MAP2K5: variants seen among roughly 807,000 people sequenced by gnomAD.
MAP2K5 encodes mitogen-activated protein kinase kinase 5.
Under a neutral mutation model 83.1 loss-of-function variants are expected in MAP2K5, and 49 were observed. The ratio of observed to expected loss-of-function variants is 0.59; its 90% CI spans 0.47 to 0.75. MAP2K5 has a LOEUF of 0.75. MAP2K5 is among the 30% of genes least tolerant of loss of function. The pLI, the probability that MAP2K5 is intolerant of heterozygous loss-of-function variation, is 0.00. For missense variants in MAP2K5, 457 were observed against 557.5 expected (o/e 0.82, Z 1.82); for synonymous variants, 202 against 191.8 (o/e 1.05, Z -0.44).
chr15:67,662,446 G>T (rs1031658193), intron 12 of MAP2K5, among the ~76,000 whole-genome samples: 1 of 152,108 alleles, frequency 6.6e-6, no homozygotes, highest in Non-Finnish European at 1.5e-5. Context: ...ATTCTCTATA[G>T]TGATGAATAC....
intron 9 of MAP2K5, chr15:67,642,560 C>G: frequency 1.1e-6 from 1 of 919,784 alleles, no homozygotes; most frequent in South Asian, 1.3e-5. Flanking sequence ...CAGGTTTTTT[C>G]AATCAGTGCC....
chr15:67,637,823 C>A lies in MAP2K5; in HGVS notation c.585+6896C>A, dbSNP rs1249666791. Among the ~76,000 whole-genome samples, 1 of 152,012 alleles carries A rather than the reference C, an allele frequency of 6.6e-6. No homozygotes were observed. Among genetic ancestry groups the A allele is most frequent in the Admixed American group, 6.6e-5 (1 of 15,256 alleles). On this transcript the variant is annotated intron_variant, in intron 9 of 21. Coordinates refer to ENST00000178640, the MANE Select transcript of MAP2K5 (RefSeq NM_145160.3). This position sits in a 1 kb window ranked among gnomAD's most constrained non-coding sequence, Gnocchi z 4.5. ...GGAACTCTCTGGTCAGCAAGCTGGG[C>A]AATCATAGGGCTCATCTCATTTGTT...
At chr15:67,544,618 G>T (rs2084357002) in intron 1 of MAP2K5, among the ~76,000 whole-genome samples, 1 of 152,208 alleles carries the variant, frequency 6.6e-6, no homozygotes, top group Non-Finnish European at 1.5e-5. Context: ...GATAGACAGG[G>T]TGCCTTGTGC....
intron 1 of MAP2K5, among the ~76,000 whole-genome samples, chr15:67,544,937 C>T (rs547995991): frequency 2.6e-5 from 4 of 152,306 alleles, no homozygotes; most frequent in Admixed American, 2.6e-4. Flanking sequence ...CAGTCATGCA[C>T]ATACAGATTT....
chr15:67,613,125 T>A (rs1282511089), intron 8 of MAP2K5, among the ~76,000 whole-genome samples: 1 of 152,198 alleles, frequency 6.6e-6, no homozygotes, highest in Non-Finnish European at 1.5e-5. Context: ...TGATTAAAAC[T>A]TATCCAACCA....
At position 67,652,850 on chromosome 15, in the gene MAP2K5, A is replaced by G. The variant is rs2899729; in HGVS notation, c.737-5703A>G. On this transcript the variant is annotated intron_variant, in intron 11 of 21. Transcript: ENST00000178640. This position sits in a 1 kb window ranked among gnomAD's most constrained non-coding sequence, Gnocchi z 4.2. The stretch of plus-strand genomic sequence containing the variant: ...CATTATACTCTGTCTCTATGTGACT[A>G]CTCTAGGTACCTCATATAATTGGAA... Among the ~76,000 whole-genome samples the G allele has an allele frequency of 0.16, 24,978 of 151,528 alleles. 2,123 individuals carry two copies. The highest frequency in any genetic ancestry group is 0.22 in the East Asian group (1,153 of 5,144).
In MAP2K5 at chr15:67,684,668, C is replaced by T. The variant is rs575179205; in HGVS notation, c.848-7811C>T. Among the ~76,000 whole-genome samples, 9 of 152,222 alleles carry T rather than the reference C, an allele frequency of 5.9e-5. No individual in the cohort carries two copies. The South Asian group carries it at 1.7e-3, about 28-fold the overall frequency. On this transcript the variant is annotated intron_variant, in intron 13 of 21. Coordinates refer to ENST00000178640, the MANE Select transcript of MAP2K5 (RefSeq NM_145160.3). The stretch of plus-strand genomic sequence containing the variant: ...CCACACACACACCAGAAATAATGTA[C>T]TTTGCAGACAGGACTTTAGAATAGT...
chr15:67,719,628 A>G lies in MAP2K5; in HGVS notation c.1045-8288A>G, dbSNP rs1339498692. Among the ~76,000 whole-genome samples, 1 of 152,206 alleles carries G rather than the reference A, an allele frequency of 6.6e-6. No individual in the cohort carries two copies. The highest frequency in any genetic ancestry group is 2.4e-5 in the African/African-American group (1 of 41,442). On this transcript the variant is annotated intron_variant, in intron 16 of 21. Coordinates refer to ENST00000178640, the MANE Select transcript of MAP2K5 (RefSeq NM_145160.3). The surrounding 1 kb of genome is among the most constrained non-coding windows in gnomAD (Gnocchi z 4.6). ...GAAGTTTGTCTACAAAATTGTGGGT[A>G]GAGTCTTCTAGGATTAACTCCTGAC...
intron 9 of MAP2K5, 88 bp from the exon 10 acceptor site, chr15:67,646,143 C>A: frequency 1.7e-6 from 1 of 589,194 alleles, no homozygotes; most frequent in Non-Finnish European, 3.0e-6. Flanking sequence ...AATAAAGGAA[C>A]TACCATGTTT....
chr15:67,641,783 T>C (rs992401464), intron 9 of MAP2K5: 1 of 205,840 alleles, frequency 4.9e-6, no homozygotes, highest in Non-Finnish European at 8.5e-6. Context: ...GTCCGTACTT[T>C]CCTTGGACTC....
At position 67,755,420 on chromosome 15, in the gene MAP2K5, G is replaced by T. The variant is rs2089815069; in HGVS notation, c.1134+6819G>T. ...AGAAATATTAGCTGCCCCTTAGTCT[G>T]CCTGACTCACATAGGTAGAAGTGTC... On this transcript the variant is annotated intron_variant, in intron 19 of 21. Transcript: ENST00000178640. The surrounding 1 kb of genome is among the most constrained non-coding windows in gnomAD (Gnocchi z 4.7). Among the ~76,000 whole-genome samples the T allele has an allele frequency of 1.3e-5, 2 of 152,158 alleles. No individual in the cohort carries two copies. The highest frequency in any genetic ancestry group is 4.8e-5 in the African/African-American group (2 of 41,516).
At chr15:67,569,093 T>G (rs2084903193) in intron 3 of MAP2K5, among the ~76,000 whole-genome samples, 1 of 152,190 alleles carries the variant, frequency 6.6e-6, no homozygotes, top group Admixed American at 6.5e-5. Flanking sequence ...GGCTGTGTTT[T>G]ACCTTGTTTA....
Position 67,768,677 on chromosome 15 carries a change from A to G in MAP2K5, c.1135-925A>G, listed in dbSNP as rs527783113. Among the ~76,000 whole-genome samples, 1 of 152,330 alleles carries G rather than the reference A, an allele frequency of 6.6e-6. No homozygotes were observed. The highest frequency in any genetic ancestry group is 1.9e-4 in the East Asian group (1 of 5,194). ...TATTTTTAATAGCAAATGAGAATAGATGAGAATGGAGTCATTTGCAGCTGC... is the reference window on the plus strand; with the variant it reads ...TATTTTTAATAGCAAATGAGAATAGGTGAGAATGGAGTCATTTGCAGCTGC... On this transcript the variant is annotated intron_variant, in intron 19 of 21. Coordinates refer to ENST00000178640, the MANE Select transcript of MAP2K5 (RefSeq NM_145160.3). This position sits in a 1 kb window ranked among gnomAD's most constrained non-coding sequence, Gnocchi z 4.0.
intron 21 of MAP2K5, among the ~76,000 whole-genome samples, chr15:67,792,127 C>T (rs1016993523): frequency 6.6e-6 from 1 of 151,962 alleles, no homozygotes; most frequent in Non-Finnish European, 1.5e-5. Flanking sequence ...GTCAGGTTTG[C>T]AAAAGGAGGT....
rs921963656 is a variant in MAP2K5 at position 67,698,390 on chromosome 15, A to G, written c.972+4822A>G. The stretch of plus-strand genomic sequence containing the variant: ...TTTAGTAGAGATGGGGGGTTGCGCC[A>G]TGTTGGCCATGCTGGTCTCGAACTC... On this transcript the variant is annotated intron_variant, in intron 15 of 21. Coordinates refer to ENST00000178640, the MANE Select transcript of MAP2K5 (RefSeq NM_145160.3). The surrounding 1 kb of genome is among the most constrained non-coding windows in gnomAD (Gnocchi z 4.5). Among the ~76,000 whole-genome samples the G allele has an allele frequency of 4.6e-5, 7 of 152,046 alleles. No individual in the cohort carries two copies. The highest frequency in any genetic ancestry group is 1.7e-4 in the African/African-American group (7 of 41,386).
intron 8 of MAP2K5, among the ~76,000 whole-genome samples, chr15:67,623,405 G>A (rs985064616): frequency 1.3e-5 from 2 of 152,094 alleles, no homozygotes; most frequent in Non-Finnish European, 2.9e-5. Flanking sequence ...GTAATACTAC[G>A]TGTTTAAGTT....
rs1427017103 is a variant in MAP2K5, at chr15:67,802,986, C to T, written c.1243-3660C>T. ...GCGTTTGGAGTCGGAGACCCATGTT[C>T]TGGTTCTAGCCCAACTGCCTGGTTG... is the stretch of plus-strand genomic sequence containing the variant. On this transcript the variant is annotated intron_variant, in intron 21 of 21. Transcript: ENST00000178640. The surrounding 1 kb of genome is among the most constrained non-coding windows in gnomAD (Gnocchi z 5.0). Among the ~76,000 whole-genome samples, 2 of 152,250 alleles carry T rather than the reference C, an allele frequency of 1.3e-5. No individual in the cohort carries two copies. The highest frequency in any genetic ancestry group is 2.9e-5 in the Non-Finnish European group (2 of 68,050).
At chr15:67,664,731 G>C in intron 13 of MAP2K5, 86 bp downstream of exon 13, 1 of 846,360 alleles carries the variant, frequency 1.2e-6, no homozygotes, top group East Asian at 2.5e-5. Flanking sequence ...TAAGTGTTCT[G>C]ACATTTAAGC....
At chr15:67,731,999 C>G (rs1024605668) in intron 17 of MAP2K5, among the ~76,000 whole-genome samples, 1 of 152,174 alleles carries the variant, frequency 6.6e-6, no homozygotes, top group Non-Finnish European at 1.5e-5. Context: ...AACGGGAGAT[C>G]CAGAGGGACC....
Sources: gnomAD v4.1 joint callset for allele counts (sites outside exome capture counted in the v4.1 genomes callset) on GRCh38, gnomAD v4.1.1 for gene constraint, Gnocchi (gnomAD v3.1) non-coding constraint, MANE v1.5 for transcripts, NCBI Gene and HGNC (gene_info 2026-07-23, HGNC 2026-07-21) for gene names.